CSMD1: variants seen among roughly 807,000 people sequenced by gnomAD.
CSMD1 encodes CUB and Sushi multiple domains 1, also known as CUB and sushi domain-containing protein 1.
Under a neutral mutation model 417.5 loss-of-function variants are expected in CSMD1, and 213 were observed. That is an observed-to-expected ratio of 0.51 (90% confidence interval 0.46 to 0.57). CSMD1 has a LOEUF of 0.57. Among genes scored for constraint, CSMD1 ranks in the 20% least tolerant of loss-of-function variants. The pLI is 0.00. For synonymous variants in CSMD1, 2,862 were observed against 1,736.8 expected (o/e 1.65, Z -16.11); for missense variants, 6,923 against 4,529.7 (o/e 1.53, Z -15.17).
At chr8:4,977,446 C>A (rs919387257) in intron 1 of CSMD1, among the ~76,000 whole-genome samples, 1 of 152,162 alleles carries the variant, frequency 6.6e-6, no homozygotes, top group Non-Finnish European at 1.5e-5. Flanking sequence ...TGCATGTCCA[C>A]GGACTCATGC....
intron 1 of CSMD1, among the ~76,000 whole-genome samples, chr8:4,908,936 G>A (rs541121893): frequency 7.2e-5 from 11 of 152,238 alleles, no homozygotes; most frequent in African/African-American, 2.6e-4. Context: ...CCACTGCATT[G>A]CCTCTTCCGA....
chr8:4,668,681 A>T (rs746190632), intron 1 of CSMD1, among the ~76,000 whole-genome samples: 1 of 151,772 alleles, frequency 6.6e-6, no homozygotes, highest in Non-Finnish European at 1.5e-5. Flanking sequence ...CGATTTCCTG[A>T]CCTAGTGATC....
chr8:3,949,555 G>A (rs903342827), intron 5 of CSMD1, among the ~76,000 whole-genome samples: 3 of 152,116 alleles, frequency 2.0e-5, no homozygotes, highest in African/African-American at 7.2e-5. Context: ...CTAATTTGGG[G>A]TTATTTTGGG....
chr8:3,649,218 T>A (rs928006468), intron 7 of CSMD1, among the ~76,000 whole-genome samples: 1 of 152,200 alleles, frequency 6.6e-6, no homozygotes, highest in Non-Finnish European at 1.5e-5. Context: ...TCTTCCGATA[T>A]TTTCCCTGCT....
At chr8:3,569,918 A>G (rs1313713754) in intron 10 of CSMD1, among the ~76,000 whole-genome samples, 1 of 152,248 alleles carries the variant, frequency 6.6e-6, no homozygotes, top group Non-Finnish European at 1.5e-5. Flanking sequence ...CAAAGGGCAA[A>G]TAATTTTCTG....
At chr8:4,792,355 T>TA (rs1484013136) in intron 1 of CSMD1, among the ~76,000 whole-genome samples, 1 of 152,208 alleles carries the variant, frequency 6.6e-6, no homozygotes, top group Non-Finnish European at 1.5e-5. Context: ...GAATTTGCTT[T>TA]AAAAAATAAA....
chr8:4,185,421 C>G lies in CSMD1; in HGVS notation c.416-153322G>C, dbSNP rs144586413. 9.6e-3 allele frequency among the ~76,000 whole-genome samples: 1,457 copies of G among 152,146 alleles called. 21 individuals carry two copies. Among genetic ancestry groups the G allele is most frequent in the African/African-American group, 0.032 (1,342 of 41,506 alleles). On this transcript the variant is annotated intron_variant, in intron 3 of 69. Coordinates refer to ENST00000635120, the MANE Select transcript of CSMD1 (RefSeq NM_033225.6). ...AGTACCCCTAAGCAATAAACATACA[C>G]GTGTGAGCTTGATAAATAATGATTT...
chr8:4,622,029 G>A (rs980931311), intron 2 of CSMD1, among the ~76,000 whole-genome samples: 2 of 151,948 alleles, frequency 1.3e-5, no homozygotes, highest in Admixed American at 6.6e-5. Context: ...ACTTTCTCAA[G>A]CAGATAAAGA....
At chr8:4,867,956 G>A (rs1802514262) in intron 1 of CSMD1, among the ~76,000 whole-genome samples, 1 of 46,586 alleles carries the variant, frequency 2.1e-5, no homozygotes, top group Non-Finnish European at 6.2e-5. Flanking sequence ...TTCTACAAGT[G>A]CCTTAGATAT....
At chr8:3,083,452 T>A (rs1814254136) in intron 49 of CSMD1, among the ~76,000 whole-genome samples, 1 of 150,318 alleles carries the variant, frequency 6.7e-6, no homozygotes, top group South Asian at 2.1e-4. Context: ...TCTATAATTT[T>A]TTTTAATTTT....
intron 4 of CSMD1, among the ~76,000 whole-genome samples, chr8:4,027,711 G>T (rs1797134049): frequency 6.6e-6 from 1 of 152,096 alleles, no homozygotes; most frequent in Non-Finnish European, 1.5e-5. Flanking sequence ...TTTTAGACAT[G>T]GGGGCCCATT....
chr8:4,546,669 T>C (rs1047751605), intron 2 of CSMD1, among the ~76,000 whole-genome samples: 10 of 152,114 alleles, frequency 6.6e-5, no homozygotes, highest in African/African-American at 2.4e-4. Context: ...CTTTCCTGGA[T>C]CTCCAGCCTG....
chr8:3,965,253 C>T (rs902134622), intron 5 of CSMD1, among the ~76,000 whole-genome samples: 17 of 152,156 alleles, frequency 1.1e-4, no homozygotes, highest in Non-Finnish European at 2.2e-4. Context: ...TCCACTCAGC[C>T]TTTGGTCTCC....
intron 12 of CSMD1, among the ~76,000 whole-genome samples, chr8:3,435,513 G>A (rs80245002): frequency 6.6e-6 from 1 of 151,874 alleles, no homozygotes; most frequent in Admixed American, 6.6e-5. Flanking sequence ...AGCCCACTCT[G>A]TCCACCTCTC....
intron 5 of CSMD1, among the ~76,000 whole-genome samples, chr8:3,938,239 G>A (rs948245067): frequency 6.6e-6 from 1 of 151,986 alleles, no homozygotes; most frequent in Non-Finnish European, 1.5e-5. Flanking sequence ...TGTGTAAAAT[G>A]CTTTACTGTT....
chr8:3,702,569 G>A (rs575665322), intron 7 of CSMD1, among the ~76,000 whole-genome samples: 15 of 152,306 alleles, frequency 9.8e-5, no homozygotes, highest in South Asian at 2.1e-4. Flanking sequence ...GGTGGCTCAT[G>A]CCTGTAATCC....
chr8:3,927,245 A>G (rs1480734858), intron 5 of CSMD1, among the ~76,000 whole-genome samples: 1 of 152,040 alleles, frequency 6.6e-6, no homozygotes, highest in African/African-American at 2.4e-5. Context: ...TATTCCAACA[A>G]TTACAAATAA....
At chr8:3,449,078 T>C (rs1479276681) in intron 12 of CSMD1, among the ~76,000 whole-genome samples, 1 of 151,588 alleles carries the variant, frequency 6.6e-6, no homozygotes, top group African/African-American at 2.4e-5. Context: ...ACTTGTTGCC[T>C]GTCTTCCAAT....
At chr8:3,667,787 A>G (rs1001459788) in intron 7 of CSMD1, among the ~76,000 whole-genome samples, 1 of 152,176 alleles carries the variant, frequency 6.6e-6, no homozygotes. Flanking sequence ...CTTGCGGAAA[A>G]TCATGGAAAC....
Sources: allele counts gnomAD v4.1 joint callset (sites outside exome capture counted in the v4.1 genomes callset), GRCh38; gene constraint gnomAD v4.1.1; transcripts MANE v1.5; gene names NCBI Gene and HGNC (gene_info 2026-07-23, HGNC 2026-07-21).